Variants in LPIN1 observed in about 807,000 individuals in gnomAD.
LPIN1 encodes phosphatidate phosphatase LPIN1.
Under a neutral mutation model 107.5 loss-of-function variants are expected in LPIN1, and 71 were observed. The ratio of observed to expected loss-of-function variants is 0.66; its 90% confidence interval spans 0.55 to 0.80. The LOEUF (loss-of-function observed/expected upper bound fraction) is 0.80. Ranked by LOEUF, LPIN1 falls within the 30% of genes least tolerant of loss-of-function variation. LPIN1 has a pLI of 0.00. For synonymous variants in LPIN1, 445 were observed against 452.6 expected (o/e 0.98, Z 0.21); for missense variants, 1,043 against 1,160.6 (o/e 0.90, Z 1.47).
Position 11,749,242 on chromosome 2 carries a change from G to T in LPIN1, c.-10+2571G>T, listed in dbSNP as rs1404089466. Among the ~76,000 whole-genome samples, 3 of 152,246 alleles carry T rather than the reference G, an allele frequency of 2.0e-5. No homozygotes were observed. The South Asian group carries it at 6.2e-4, about 32-fold the overall frequency. Reference sequence around the variant, plus strand: ...TCGGATGGCTGTTTCTGAAATGTTCGCTTTCTGAGCTGTGAGGGAGGGTCT... The same window carrying T: ...TCGGATGGCTGTTTCTGAAATGTTCTCTTTCTGAGCTGTGAGGGAGGGTCT... On this transcript the variant is annotated intron_variant, in intron 1 of 20. Transcript: ENST00000674199.
chr2:11,705,399 A>G (rs1663076832), intron 1 of LPIN1, among the ~76,000 whole-genome samples: 1 of 152,244 alleles, frequency 6.6e-6, no homozygotes, highest in African/African-American at 2.4e-5. Flanking sequence ...CTTTTGAAGG[A>G]TGCTGTCATC....
chr2:11,762,082 A>G (rs910958618), intron 1 of LPIN1, among the ~76,000 whole-genome samples: 1 of 151,964 alleles, frequency 6.6e-6, no homozygotes. Context: ...GACTGGCTAT[A>G]AATCGGGGGT....
At chr2:11,678,576 G>C (rs1449521599) in intron 1 of LPIN1, among the ~76,000 whole-genome samples, 1 of 152,198 alleles carries the variant, frequency 6.6e-6, no homozygotes, top group African/African-American at 2.4e-5. Context: ...CATCCTAGGG[G>C]GATAGAGTGG....
Position 11,824,916 on chromosome 2 carries a change from G to A in LPIN1, c.*125G>A. 1 of 1,105,282 alleles carries A rather than the reference G, an allele frequency of 9.0e-7. No individual in the cohort carries two copies. 68.5% of individuals were successfully genotyped at this position (1,105,282 alleles called of 1,614,324 possible). On this transcript the variant is annotated 3_prime_UTR_variant, in exon 21 of 21. Coordinates refer to ENST00000674199, the MANE Select transcript of LPIN1 (RefSeq NM_001349206.2). ...GCGTCATCATTGGCCTGACAGCAGAGAGAATTGAGAAGCATTTCTCCCCTG... is the reference window on the plus strand; with the variant it reads ...GCGTCATCATTGGCCTGACAGCAGAAAGAATTGAGAAGCATTTCTCCCCTG...
At chr2:11,790,832 A>G (rs140008025) in intron 12 of LPIN1, among the ~76,000 whole-genome samples, 2 of 152,278 alleles carry the variant, frequency 1.3e-5, no homozygotes, top group Admixed American at 6.5e-5. Context: ...ATATTTTAAT[A>G]CCCAGTAGTG....
chr2:11,819,777 G>A (rs1302676615), intron 19 of LPIN1, among the ~76,000 whole-genome samples, 179 bp downstream of exon 19: 1 of 152,170 alleles, frequency 6.6e-6, no homozygotes, highest in Non-Finnish European at 1.5e-5. Flanking sequence ...TTATCTTATG[G>A]CTTCCAGGGT....
At position 11,782,502 on chromosome 2, in the gene LPIN1, A is replaced by G. The variant is rs1209854509; in HGVS notation, c.1259A>G (p.Lys420Arg). ...AACAAGACGGATTCTCCTTCCAGGA[A>G]AAGAGGTACCAAGGCTGGGGCTTCC... is the stretch of plus-strand genomic sequence containing the variant. ...TANKTDSPSR[K>R]RDKRSRHLGA... The change falls in exon 8 of 21, where the codon AAA becomes AGA. Residue 420 changes from lysine (K) to arginine (R), a missense_variant. Coordinates refer to ENST00000674199, the MANE Select transcript of LPIN1 (RefSeq NM_001349206.2). The G allele has an allele frequency of 6.2e-7, 1 of 1,614,092 alleles. No individual in the cohort carries two copies. The highest frequency in any genetic ancestry group is 1.1e-5 in the South Asian group (1 of 91,080).
At chr2:11,713,574 C>T (rs1378672242) in intron 1 of LPIN1, among the ~76,000 whole-genome samples, 1 of 152,132 alleles carries the variant, frequency 6.6e-6, no homozygotes, top group South Asian at 2.1e-4. Flanking sequence ...CCCGGTCACA[C>T]ATTCTTCTTC....
At chr2:11,689,473 C>T (rs1662166174) in intron 1 of LPIN1, among the ~76,000 whole-genome samples, 1 of 152,196 alleles carries the variant, frequency 6.6e-6, no homozygotes, top group Non-Finnish European at 1.5e-5. Flanking sequence ...ATCTGACTGA[C>T]TTGCTTTCTT....
chr2:11,778,638 C>T (rs572016589), intron 6 of LPIN1, among the ~76,000 whole-genome samples: 2 of 152,274 alleles, frequency 1.3e-5, no homozygotes, highest in Admixed American at 6.5e-5. Flanking sequence ...TCTGAAAAAC[C>T]CTGCCGCCTT....
At chr2:11,728,774 C>T (rs1401036431) in intron 1 of LPIN1, among the ~76,000 whole-genome samples, 1 of 151,868 alleles carries the variant, frequency 6.6e-6, no homozygotes, top group African/African-American at 2.4e-5. Context: ...ATTTTATCTC[C>T]CTATTGATTT....
intron 8 of LPIN1, among the ~76,000 whole-genome samples, chr2:11,783,573 A>G (rs1218095578): frequency 6.6e-6 from 1 of 152,204 alleles, no homozygotes; most frequent in Non-Finnish European, 1.5e-5. Context: ...CAGCAACATC[A>G]TGGAATAAGT....
At chr2:11,694,363 C>T (rs1662465202) in intron 1 of LPIN1, among the ~76,000 whole-genome samples, 1 of 152,170 alleles carries the variant, frequency 6.6e-6, no homozygotes, top group Admixed American at 6.5e-5. Context: ...GCCACCATGG[C>T]TTCTAGTCTC....
Position 11,697,216 on chromosome 2 carries a change from T to G in LPIN1, c.82-16540T>G, listed in dbSNP as rs1342502973. On this transcript the variant is annotated intron_variant, in intron 1 of 21. Coordinates refer to the LPIN1 transcript ENST00000449576. The surrounding 1 kb of genome is among the most constrained non-coding windows in gnomAD (Gnocchi z 4.6). ...GCCACTCAAATAGGCAGCCCTGCAATCGGAGGGCTGCGTGCTCCCCCTGAT... is the reference window on the plus strand; with the variant it reads ...GCCACTCAAATAGGCAGCCCTGCAAGCGGAGGGCTGCGTGCTCCCCCTGAT... Among the ~76,000 whole-genome samples the G allele has an allele frequency of 6.6e-6, 1 of 152,204 alleles. No individual in the cohort carries two copies. Among genetic ancestry groups the G allele is most frequent in the African/African-American group, 2.4e-5 (1 of 41,468 alleles).
At chr2:11,717,537 T>C (rs1171966622) in intron 2 of LPIN1, among the ~76,000 whole-genome samples, 1 of 146,268 alleles carries the variant, frequency 6.8e-6, no homozygotes, top group East Asian at 2.0e-4. Context: ...GACATTAGCC[T>C]ATCACGTGGA....
intron 1 of LPIN1, among the ~76,000 whole-genome samples, chr2:11,678,550 G>A (rs1046394415): frequency 6.6e-6 from 1 of 152,198 alleles, no homozygotes; most frequent in Non-Finnish European, 1.5e-5. Flanking sequence ...GGGGCAGGGA[G>A]ACCCGGGGTT....
Position 11,786,827 on chromosome 2 carries a change from G to A in LPIN1, c.1550-247G>A, listed in dbSNP as rs1360223064. On this transcript the variant is annotated intron_variant, in intron 10 of 20. Transcript: ENST00000674199. This position sits in a 1 kb window ranked among gnomAD's most constrained non-coding sequence, Gnocchi z 4.1. Reference sequence around the variant, plus strand: ...CCCTACTCCCTGTGTGAACGTATGTGCCTCAACTAAGGTACACGTCCCCCA... The same window carrying A: ...CCCTACTCCCTGTGTGAACGTATGTACCTCAACTAAGGTACACGTCCCCCA... Among the ~76,000 whole-genome samples the A allele has an allele frequency of 6.6e-6, 1 of 152,230 alleles. No homozygotes were observed. Among genetic ancestry groups the A allele is most frequent in the Non-Finnish European group, 1.5e-5 (1 of 68,038 alleles).
At chr2:11,760,411 A>G (rs1422465199) in intron 1 of LPIN1, among the ~76,000 whole-genome samples, 1 of 152,254 alleles carries the variant, frequency 6.6e-6, no homozygotes, top group Middle Eastern at 3.2e-3. Flanking sequence ...TGAGTGAACG[A>G]GACTCCATCT....
upstream of LPIN1, among the ~76,000 whole-genome samples, chr2:11,719,829 G>T (rs1364763560): frequency 6.8e-6 from 1 of 146,828 alleles, no homozygotes; most frequent in Admixed American, 7.0e-5. Flanking sequence ...AATCATTGTG[G>T]CATGGATTAG....
Sources: gnomAD v4.1 joint callset for allele counts (sites outside exome capture counted in the v4.1 genomes callset) on GRCh38, gnomAD v4.1.1 for gene constraint, Gnocchi (gnomAD v3.1) non-coding constraint, MANE v1.5 for transcripts, NCBI Gene and HGNC (gene_info 2026-07-23, HGNC 2026-07-21) for gene names.